THAP3: variants seen among roughly 807,000 people sequenced by gnomAD.
The protein encoded by THAP3 is THAP domain containing 3.
Under a neutral mutation model 17.7 loss-of-function variants are expected in THAP3, and 12 were observed. That is an observed-to-expected ratio of 0.68 (90% confidence interval 0.43 to 1.10). The LOEUF is 1.10. Ranked by LOEUF, THAP3 falls within the 50% of genes least tolerant of loss-of-function variation. THAP3 has a pLI of 0.00. For synonymous variants in THAP3, 133 were observed against 126.9 expected, an observed-to-expected ratio of 1.05 and a Z score of -0.32; for missense variants, 289 against 318.0, an observed-to-expected ratio of 0.91 and a Z score of 0.69.
chr1:6,634,573 A>T (rs1641718585), downstream of THAP3: 1 of 1,365,748 alleles, frequency 7.3e-7, no homozygotes, highest in African/African-American at 1.5e-5. Context: ...AGCAAGAGCA[A>T]CTGATGGCTG....
chr1:6,630,867 TG>T (rs796220307), intron 4 of THAP3, among the ~76,000 whole-genome samples: 6 of 150,684 alleles, frequency 4.0e-5, no homozygotes, highest in Non-Finnish European at 7.4e-5. Flanking sequence ...CCACCGCGCC[TG>T]GGCCCCCACT....
At chr1:6,633,941 T>TGTC, downstream of THAP3, 1 of 1,329,550 alleles carries the variant, frequency 7.5e-7, no homozygotes, top group South Asian at 1.3e-5. Context: ...CTTCCTATTT[T>TGTC]GTCTAATTTA....
intron 2 of THAP3, among the ~76,000 whole-genome samples, chr1:6,626,155 A>T (rs1421369707): frequency 3.3e-5 from 5 of 151,914 alleles, no homozygotes; most frequent in African/African-American, 4.8e-5. Flanking sequence ...AAATAATTTA[A>T]AAAAATTAGC....
chr1:6,625,768 C>A (rs1265676876), intron 2 of THAP3, among the ~76,000 whole-genome samples: 3 of 143,082 alleles, frequency 2.1e-5, no homozygotes, highest in Admixed American at 6.9e-5. Flanking sequence ...CCGGCCCGGC[C>A]CAGGAGCAAT....
chr1:6,634,437 A>G (rs755371320), downstream of THAP3: 4 of 1,273,158 alleles, frequency 3.1e-6, no homozygotes, highest in Non-Finnish European at 4.1e-6. Flanking sequence ...TTACTCAGAT[A>G]CCAGTGCTGG....
chr1:6,634,209 A>T, downstream of THAP3: 1 of 990,886 alleles, frequency 1.0e-6, no homozygotes, highest in South Asian at 1.5e-5. Context: ...TGCCTTCTGT[A>T]CAGTCGACTG....
chr1:6,626,001 A>G (rs1641461238), intron 2 of THAP3, among the ~76,000 whole-genome samples: 1 of 152,180 alleles, frequency 6.6e-6, no homozygotes, highest in Admixed American at 6.5e-5. Context: ...TCCCCAAGTG[A>G]ACGTCACTGA....
In THAP3 at chr1:6,630,186, A is replaced by G. The variant is rs749650390; in HGVS notation, c.268-102A>G. 4.1e-4 allele frequency: 405 copies of G among 985,678 alleles called. 1 individual carries two copies. The highest frequency in any genetic ancestry group is 6.3e-4 in the Non-Finnish European group (381 of 608,802). 61.1% of individuals were successfully genotyped at this position (985,678 alleles called of 1,614,324 possible). A position where few individuals can be genotyped will look rare whatever the true frequency, so the allele number is the denominator to read the frequency against. On this transcript the variant is annotated intron_variant, in intron 3 of 5. Coordinates refer to ENST00000054650, the MANE Select transcript of THAP3 (RefSeq NM_001195753.2). ...TTAGCAGCTGTTCGTTGACTGGGGC[A>G]TGCAGTGGGCCGAGCAGCGGGGACA...
chr1:6,632,518 T>A (rs1404251036), intron 5 of THAP3, 23 bp downstream of exon 5: 1 of 1,613,656 alleles, frequency 6.2e-7, no homozygotes, highest in Non-Finnish European at 8.5e-7. Context: ...GCAAAGGTGG[T>A]CTGTGGTTGG....
chr1:6,628,456 G>A (rs1306877532), intron 2 of THAP3, 43 bp from the exon 3 acceptor site: 2 of 1,552,530 alleles, frequency 1.3e-6, no homozygotes, highest in Admixed American at 3.8e-5. Context: ...GAGGCGCTGG[G>A]TCCAGCCTTG....
intron 2 of THAP3, 37 bp downstream of exon 2, chr1:6,625,329 A>AC (rs1159275211): frequency 5.4e-5 from 81 of 1,499,184 alleles, no homozygotes; most frequent in Non-Finnish European, 7.1e-5. Context: ...GGAGGCCCAG[A>AC]CCCGGGGCCC....
chr1:6,629,684 C>G (rs1168785170), intron 3 of THAP3: 1 of 153,084 alleles, frequency 6.5e-6, no homozygotes, highest in Non-Finnish European at 1.5e-5. Context: ...GCTTCAGGCC[C>G]CACACCCAGG....
rs1214047693 is a variant in THAP3 at position 6,633,085 on chromosome 1, A to G, written c.*8A>G. 6.3e-7 allele frequency: 1 copy of G among 1,591,632 alleles called. No individual in the cohort carries two copies. The highest frequency in any genetic ancestry group is 1.3e-5 in the African/African-American group (1 of 74,194). ...CCAGAGCAGCAGAGCTGAGCCCCACAGGCTCCGGACGCAGAGGTGGCAGTG... is the reference window on the plus strand; with the variant it reads ...CCAGAGCAGCAGAGCTGAGCCCCACGGGCTCCGGACGCAGAGGTGGCAGTG... On this transcript the variant is annotated 3_prime_UTR_variant, in exon 6 of 6. Transcript: ENST00000054650.
At chr1:6,626,475 G>T (rs191569146) in intron 2 of THAP3, among the ~76,000 whole-genome samples, 134 of 152,308 alleles carry the variant, frequency 8.8e-4, no homozygotes, top group African/African-American at 3.0e-3. Context: ...GAATGCAAGT[G>T]CCAGAATTTA....
At chr1:6,630,216 T>TGCAGGGGGCCGAGTGCTGG in intron 3 of THAP3, 72 bp from the exon 4 acceptor site, 1 of 1,360,598 alleles carries the variant, frequency 7.3e-7, no homozygotes. Context: ...GGGACAAGCA[T>TGCAGGGGGCCGAGTGCTGG]GATGCCCGAG....
downstream of THAP3, chr1:6,634,326 TG>T: frequency 9.6e-7 from 1 of 1,041,602 alleles, no homozygotes; most frequent in Non-Finnish European, 1.3e-6. Flanking sequence ...GCTCGGGCCG[TG>T]GGGCCGTCAG....
chr1:6,634,387 G>C (rs958297266), downstream of THAP3: 3 of 1,199,310 alleles, frequency 2.5e-6, no homozygotes, highest in Non-Finnish European at 3.3e-6. Context: ...TGGACAACCC[G>C]AACTGCTTTT....
chr1:6,625,395 C>T (rs1641438055), intron 2 of THAP3, 103 bp downstream of exon 2: 1 of 1,109,560 alleles, frequency 9.0e-7, no homozygotes, highest in South Asian at 1.9e-5. Context: ...GGCGTGCGGC[C>T]GCTGGGCCCG....
intron 2 of THAP3, among the ~76,000 whole-genome samples, chr1:6,627,434 G>A (rs1035804826): frequency 6.6e-6 from 1 of 152,156 alleles, no homozygotes; most frequent in Non-Finnish European, 1.5e-5. Flanking sequence ...GCGCAGTCTC[G>A]GCTCACTGCA....
Sources: gnomAD v4.1 joint callset for allele counts (sites outside exome capture counted in the v4.1 genomes callset) on GRCh38, gnomAD v4.1.1 for gene constraint, MANE v1.5 for transcripts, NCBI Gene and HGNC (gene_info 2026-07-23, HGNC 2026-07-21) for gene names.